SLC8A1: variants seen among roughly 807,000 people sequenced by gnomAD.
The protein encoded by SLC8A1 is sodium/calcium exchanger 1.
Under a neutral mutation model 68.3 loss-of-function variants are expected in SLC8A1, and 18 were observed. The ratio of observed to expected loss-of-function variants is 0.26; its 90% CI spans 0.18 to 0.39. The LOEUF is 0.39. Ranked by LOEUF, SLC8A1 falls within the 10% of genes least tolerant of loss-of-function variation. The pLI is 1.00. For synonymous variants in SLC8A1, 475 were observed against 415.5 expected (o/e 1.14, Z -1.74); for missense variants, 985 against 1,156.7 (o/e 0.85, Z 2.15).
rs3792003 is a variant in SLC8A1, at chr2:40,428,364, C to G, written c.1808+109G>C. 3.0e-3 allele frequency: 4,231 copies of G among 1,408,198 alleles called. 152 individuals are homozygous for G. In the East Asian group the frequency reaches 0.088, roughly 29 times the overall value. The allele number at this position is 1,408,198 out of a possible 1,614,324, so 87.2% of individuals were successfully genotyped here. Reference sequence around the variant, plus strand: ...ATCTTGTATAAAAGCTATTCCATTCCTTGCATGCTATTTAATTTAAAAAAT... The same window carrying G: ...ATCTTGTATAAAAGCTATTCCATTCGTTGCATGCTATTTAATTTAAAAAAT... On this transcript the variant is annotated intron_variant, in intron 2 of 7. Transcript: ENST00000406785.
At chr2:40,410,914 A>G (rs576186374) in intron 2 of SLC8A1, among the ~76,000 whole-genome samples, 1 of 152,104 alleles carries the variant, frequency 6.6e-6, no homozygotes, top group Non-Finnish European at 1.5e-5. Flanking sequence ...CCATGCACAT[A>G]ATACCAGCAA....
intron 5 of SLC8A1, among the ~76,000 whole-genome samples, chr2:40,163,769 T>C (rs1396220940): frequency 6.6e-6 from 1 of 152,216 alleles, no homozygotes; most frequent in Admixed American, 6.5e-5. Context: ...ATTAATTGCA[T>C]TTTTATCTTA....
chr2:40,237,118 G>A (rs1009187778), intron 2 of SLC8A1, among the ~76,000 whole-genome samples: 36 of 151,712 alleles, frequency 2.4e-4, no homozygotes, highest in African/African-American at 3.6e-4. Flanking sequence ...TCTTTGTGGC[G>A]TTCTCTGTAT....
chr2:40,359,256 G>A (rs376304461), intron 2 of SLC8A1, among the ~76,000 whole-genome samples: 97 of 152,156 alleles, frequency 6.4e-4, no homozygotes, highest in African/African-American at 2.2e-3. Context: ...ATTACATACT[G>A]AAATGACATT....
intron 7 of SLC8A1, among the ~76,000 whole-genome samples, chr2:40,121,882 T>A (rs1361609247): frequency 6.6e-6 from 1 of 152,198 alleles, no homozygotes; most frequent in Non-Finnish European, 1.5e-5. Flanking sequence ...AATTCTTAAT[T>A]ATTTTACTTT....
chr2:40,303,388 G>A (rs1372502114), intron 2 of SLC8A1, among the ~76,000 whole-genome samples: 2 of 152,154 alleles, frequency 1.3e-5, no homozygotes, highest in African/African-American at 4.8e-5. Context: ...GGGGAAAGTG[G>A]AAGGAAGAGA....
At chr2:40,368,592 G>GT (rs1459206907) in intron 2 of SLC8A1, among the ~76,000 whole-genome samples, 7 of 151,956 alleles carry the variant, frequency 4.6e-5, no homozygotes, top group Non-Finnish European at 7.4e-5. Context: ...CAATTACTGT[G>GT]TTTTTTAAAA....
chr2:40,153,379 G>C (rs932674771), intron 6 of SLC8A1, among the ~76,000 whole-genome samples: 2 of 152,120 alleles, frequency 1.3e-5, no homozygotes, highest in Admixed American at 6.5e-5. Flanking sequence ...AGAATTCATT[G>C]AACTCAAGTA....
chr2:40,114,307 A>G (rs2034959710), exon 8 of SLC8A1: 1 of 152,826 alleles, frequency 6.5e-6, no homozygotes, highest in African/African-American at 2.4e-5. Context: ...AGCAACGGCA[A>G]CATGGGACTG....
intron 7 of SLC8A1, among the ~76,000 whole-genome samples, chr2:40,135,096 G>T (rs1453917312): frequency 6.6e-6 from 1 of 151,936 alleles, no homozygotes; most frequent in African/African-American, 2.4e-5. Context: ...TTGGTGTGTG[G>T]ATAGAAAAAA....
At chr2:40,241,973 A>C (rs2061281061) in intron 2 of SLC8A1, among the ~76,000 whole-genome samples, 1 of 152,220 alleles carries the variant, frequency 6.6e-6, no homozygotes, top group South Asian at 2.1e-4. Context: ...TAATCCAAGC[A>C]GTGTTCCACT....
intron 2 of SLC8A1, among the ~76,000 whole-genome samples, chr2:40,218,902 G>A (rs1438494095): frequency 1.3e-5 from 2 of 152,236 alleles, no homozygotes; most frequent in East Asian, 3.9e-4. Flanking sequence ...TGTGCCCAAC[G>A]TTTGTGGCAG....
At chr2:40,214,708 G>T (rs192055916) in intron 2 of SLC8A1, among the ~76,000 whole-genome samples, 1 of 152,042 alleles carries the variant, frequency 6.6e-6, no homozygotes, top group Non-Finnish European at 1.5e-5. Flanking sequence ...AAAGTGCTGG[G>T]ATTACAGGCG....
chr2:40,409,201 T>C lies in SLC8A1; in HGVS notation c.1808+19272A>G, dbSNP rs142901326. Among the ~76,000 whole-genome samples the C allele has an allele frequency of 5.4e-3, 822 of 152,296 alleles. 5 individuals are homozygous for C. The highest frequency in any genetic ancestry group is 0.019 in the African/African-American group (771 of 41,560). On this transcript the variant is annotated intron_variant, in intron 2 of 7. Coordinates refer to ENST00000406785, the Ensembl canonical transcript of SLC8A1. Reference sequence around the variant, plus strand: ...ATCGGTACAGCTTCTGGTATTCATGTAAAAGAACCTATTAGTTGACTAAAA... The same window carrying C: ...ATCGGTACAGCTTCTGGTATTCATGCAAAAGAACCTATTAGTTGACTAAAA...
At chr2:40,248,066 T>C (rs1290805192) in intron 2 of SLC8A1, among the ~76,000 whole-genome samples, 1 of 152,186 alleles carries the variant, frequency 6.6e-6, no homozygotes, top group Non-Finnish European at 1.5e-5. Flanking sequence ...ATGTTCTCTA[T>C]TACACCAAAA....
intron 1 of SLC8A1, among the ~76,000 whole-genome samples, chr2:40,490,959 A>T (rs536787953): frequency 9.9e-5 from 15 of 152,230 alleles, no homozygotes; most frequent in African/African-American, 1.4e-4. Context: ...TCTCAACTTA[A>T]AAACCCGGCC....
At chr2:40,307,927 C>T (rs370602194) in intron 2 of SLC8A1, among the ~76,000 whole-genome samples, 2 of 152,056 alleles carry the variant, frequency 1.3e-5, no homozygotes, top group African/African-American at 4.8e-5. Flanking sequence ...AAATAATTGC[C>T]AGTTCTGCAT....
chr2:40,447,058 T>C (rs1173866422), intron 1 of SLC8A1, among the ~76,000 whole-genome samples: 1 of 152,214 alleles, frequency 6.6e-6, no homozygotes, highest in East Asian at 1.9e-4. Flanking sequence ...CATGCAATGA[T>C]ATCAACAAAG....
intron 2 of SLC8A1, among the ~76,000 whole-genome samples, chr2:40,249,955 G>C (rs1347244654): frequency 6.6e-6 from 1 of 152,150 alleles, no homozygotes; most frequent in Non-Finnish European, 1.5e-5. Flanking sequence ...ATATTAAAAA[G>C]TAAACATCCA....
Sources: allele counts gnomAD v4.1 joint callset (sites outside exome capture counted in the v4.1 genomes callset), GRCh38; gene constraint gnomAD v4.1.1; transcripts MANE v1.5; gene names NCBI Gene and HGNC (gene_info 2026-07-23, HGNC 2026-07-21).